The following GLG1 variants were observed in gnomAD, a reference collection of about 807,000 sequenced individuals.
The protein encoded by GLG1 is Golgi apparatus protein 1.
In GLG1, 38 loss-of-function variants were observed where a neutral mutation model predicts 160.5. The ratio of observed to expected loss-of-function variants is 0.24; its 90% CI spans 0.18 to 0.31. The LOEUF (loss-of-function observed/expected upper bound fraction) is 0.31, where lower values mean the gene tolerates loss of function less well. Among genes scored for constraint, GLG1 ranks in the 10% least tolerant of loss-of-function variants. The pLI, the probability that GLG1 is intolerant of heterozygous loss-of-function variation, is 1.00. For missense variants in GLG1, 1,373 were observed against 1,505.2 expected (o/e 0.91, Z 1.45); for synonymous variants, 644 against 543.4 (o/e 1.19, Z -2.57).
intron 8 of GLG1, 22 bp from the exon 9 acceptor site, chr16:74,485,939 A>T (rs2015771594): frequency 4.4e-6 from 7 of 1,603,768 alleles, no homozygotes; most frequent in Non-Finnish European, 6.0e-6. Flanking sequence ...TAAATTAAGA[A>T]GGAAGAAAGA....
intron 1 of GLG1, among the ~76,000 whole-genome samples, chr16:74,561,524 T>A (rs931614703): frequency 5.9e-5 from 9 of 152,174 alleles, no homozygotes; most frequent in Non-Finnish European, 1.3e-4. Context: ...ATAAAGAGAC[T>A]GGTTTATAAA....
In GLG1 at chr16:74,556,590, G is replaced by A. The variant is rs1448762661; in HGVS notation, c.439-24437C>T. ...TCTCAGCTACTGGGGAGGCAGAGGT[G>A]TGAGGAATGCTTAAGCCTAGCCATC... On this transcript the variant is annotated intron_variant, in intron 1 of 25. Transcript: ENST00000422840. 3.3e-5 allele frequency among the ~76,000 whole-genome samples: 5 copies of A among 152,000 alleles called. No homozygotes were observed. The East Asian group carries it at 9.6e-4, about 29-fold the overall frequency.
intron 1 of GLG1, among the ~76,000 whole-genome samples, chr16:74,545,469 C>T (rs2018020094): frequency 6.6e-6 from 1 of 152,214 alleles, no homozygotes; most frequent in Non-Finnish European, 1.5e-5. Flanking sequence ...GCATGAGCCA[C>T]ACCATGCCTG....
intron 2 of GLG1, among the ~76,000 whole-genome samples, chr16:74,529,396 A>G (rs2017453550): frequency 6.6e-6 from 1 of 151,994 alleles, no homozygotes; most frequent in South Asian, 2.1e-4. Flanking sequence ...CTCGGTTGAA[A>G]TACTTCATAT....
chr16:74,513,996 G>A (rs764604216), intron 2 of GLG1, among the ~76,000 whole-genome samples: 1 of 152,092 alleles, frequency 6.6e-6, no homozygotes, highest in South Asian at 2.1e-4. Context: ...TGAAGCATAC[G>A]TAAGCTTCAA....
intron 2 of GLG1, among the ~76,000 whole-genome samples, chr16:74,530,790 A>G (rs3096411): frequency 3.9e-5 from 6 of 152,094 alleles, no homozygotes; most frequent in Non-Finnish European, 8.8e-5. Context: ...GTGCGAACCC[A>G]TTTATCAAAT....
At chr16:74,504,167 A>G (rs552304169) in intron 3 of GLG1, among the ~76,000 whole-genome samples, 103 of 152,312 alleles carry the variant, frequency 6.8e-4, no homozygotes, top group South Asian at 8.3e-4. Context: ...AAACAGGTGC[A>G]AAAGTGAAGT....
chr16:74,511,303 C>A (rs2016795670), intron 2 of GLG1, among the ~76,000 whole-genome samples: 1 of 152,082 alleles, frequency 6.6e-6, no homozygotes, highest in Non-Finnish European at 1.5e-5. Context: ...CTTCTCCTCC[C>A]TCCTCAAAAA....
chr16:74,530,061 T>C (rs1030264582), intron 2 of GLG1, among the ~76,000 whole-genome samples: 1 of 151,858 alleles, frequency 6.6e-6, no homozygotes, highest in African/African-American at 2.4e-5. Flanking sequence ...CACCCAGCCT[T>C]CCAAAATTCT....
At chr16:74,587,688 A>T (rs1346210505) in intron 1 of GLG1, among the ~76,000 whole-genome samples, 2 of 152,188 alleles carry the variant, frequency 1.3e-5, no homozygotes, top group Non-Finnish European at 2.9e-5. Flanking sequence ...CAACACAGTG[A>T]AACCCCGTCT....
Position 74,496,606 on chromosome 16 carries a change from C to T in GLG1, c.813G>A (p.Glu271=), listed in dbSNP as rs2016197065. The change falls in exon 5 of 26, where the codon GAG becomes GAA. Residue 271 remains glutamate, a synonymous_variant. Transcript: ENST00000422840. ...CTTCTGCTTCTTTCACCAGGCCTTT[C>T]TCCAAGCATGATACCACCTCACCTT... ...HSQGEVVSCL[E]KGLVKEAEER... The T allele has an allele frequency of 6.2e-7, 1 of 1,613,110 alleles. No homozygotes were observed. The highest frequency in any genetic ancestry group is 1.7e-5 in the Admixed American group (1 of 59,960).
chr16:74,463,474 G>C lies in GLG1; in HGVS notation c.2673C>G (p.Phe891Leu). The change falls in exon 20 of 26, where the codon TTC (phenylalanine) becomes TTG (leucine). Residue 891 changes from phenylalanine to leucine, a missense_variant. Around this residue, in one of 4 missense-constraint regions of GLG1, gnomAD observed 491 missense variants for 632.1 expected, o/e 0.78. Coordinates refer to ENST00000422840, the MANE Select transcript of GLG1 (RefSeq NM_001145667.2). ...MRVCKQMIKR[F>L]CPEADSKTML... ...TGGTTTTAGAATCTGCTTCCGGACA[G>C]AACCTCTGCAAAGAAACAGTTTGAT... 6.2e-7 allele frequency: 1 copy of C among 1,613,846 alleles called. No homozygotes were observed. The highest frequency in any genetic ancestry group is 8.5e-7 in the Non-Finnish European group (1 of 1,179,802).
intron 1 of GLG1, among the ~76,000 whole-genome samples, chr16:74,553,168 T>C (rs1306822374): frequency 2.0e-5 from 3 of 149,884 alleles, no homozygotes; most frequent in Non-Finnish European, 4.4e-5. Flanking sequence ...TGCAGTGAGC[T>C]GAGATCACGC....
intron 4 of GLG1, among the ~76,000 whole-genome samples, chr16:74,502,722 G>T (rs1208863774): frequency 3.9e-4 from 43 of 109,572 alleles, no homozygotes; most frequent in South Asian, 6.5e-4. Context: ...TTTGTTTTTG[G>T]TTTTTTTTTT....
Position 74,553,468 on chromosome 16 carries a change from GGT to G in GLG1, c.439-21317_439-21316del, listed in dbSNP as rs1491544139. Among the ~76,000 whole-genome samples, 9 of 122,556 alleles carry G rather than the reference GGT, an allele frequency of 7.3e-5. No homozygotes were observed. In the East Asian group the frequency reaches 1.4e-3, roughly 19 times the overall value. The allele number at this position is 122,556 out of a possible 152,430, so 80.4% of individuals were successfully genotyped here. A position where few individuals can be genotyped will look rare whatever the true frequency, so the allele number is the denominator to read the frequency against. On this transcript the variant is annotated intron_variant, in intron 1 of 25. Transcript: ENST00000422840. ...AACATTCTTTTTTTGGTTTTGTTTC[GGT>G]TTTTTTTTTTTTTTTTTTTTGAAAC...
intron 1 of GLG1, among the ~76,000 whole-genome samples, chr16:74,605,794 T>C (rs1411643537): frequency 3.9e-5 from 6 of 152,164 alleles, no homozygotes; most frequent in Admixed American, 3.9e-4. Context: ...TTTGTCCACC[T>C]TTAGGGCTAA....
In GLG1 at chr16:74,606,832, G is replaced by A. The variant is rs1177437652; in HGVS notation, c.263C>T (p.Pro88Leu). ...QQQQQQQPQP[P>L]QPPFPAGGPP... Reference sequence around the variant, plus strand: ...CCCACCCGCCGGGAAAGGCGGCTGCGGCGGCTGAGGCTGCTGTTGCTGTTG... The same window carrying A: ...CCCACCCGCCGGGAAAGGCGGCTGCAGCGGCTGAGGCTGCTGTTGCTGTTG... Residue 88 changes from proline to leucine, a missense_variant, in exon 1 of 26, where the codon CCG becomes CTG. Transcript: ENST00000422840. 1.3e-6 allele frequency: 2 copies of A among 1,599,578 alleles called. No homozygotes were observed. Among genetic ancestry groups the A allele is most frequent in the Non-Finnish European group, 8.5e-7 (1 of 1,173,248 alleles).
intron 1 of GLG1, among the ~76,000 whole-genome samples, chr16:74,587,649 C>T (rs532590617): frequency 7.2e-5 from 11 of 152,218 alleles, no homozygotes; most frequent in African/African-American, 1.9e-4. Context: ...TGGGCGATCA[C>T]GAGGTCAAGA....
At chr16:74,454,653 G>A (rs1164562612) in intron 25 of GLG1, among the ~76,000 whole-genome samples, 6 of 101,340 alleles carry the variant, frequency 5.9e-5, no homozygotes, top group Admixed American at 1.6e-4. Flanking sequence ...GCAACAGGAC[G>A]AGAATCCGTC....
Sources: allele counts gnomAD v4.1 joint callset (sites outside exome capture counted in the v4.1 genomes callset), GRCh38; gene constraint gnomAD v4.1.1; regional missense constraint gnomAD v4.1.1; transcripts MANE v1.5; gene names NCBI Gene and HGNC (gene_info 2026-07-23, HGNC 2026-07-21).